The following AGBL4 variants were observed in gnomAD, a reference collection of about 807,000 sequenced individuals.
AGBL4 encodes the protein cytosolic carboxypeptidase 6.
In AGBL4, 58 loss-of-function variants were observed where a neutral mutation model predicts 66.4. The ratio of observed to expected loss-of-function variants is 0.87; its 90% CI spans 0.71 to 1.09. The LOEUF (loss-of-function observed/expected upper bound fraction) is 1.09, where lower values mean the gene tolerates loss of function less well. Ranked by LOEUF, AGBL4 falls within the 50% of genes least tolerant of loss-of-function variation. AGBL4 has a pLI of 0.00. For missense variants in AGBL4, 579 were observed against 631.0 expected (o/e 0.92, Z 0.88); for synonymous variants, 234 against 222.9 (o/e 1.05, Z -0.44).
At chr1:48,542,005 T>C (rs1644080766) in intron 11 of AGBL4, among the ~76,000 whole-genome samples, 1 of 152,092 alleles carries the variant, frequency 6.6e-6, no homozygotes, top group African/African-American at 2.4e-5. Flanking sequence ...CCCAACCCCC[T>C]GACTGGCCCC....
At chr1:49,902,257 T>A (rs1206757723) in intron 1 of AGBL4, among the ~76,000 whole-genome samples, 2 of 151,978 alleles carry the variant, frequency 1.3e-5, no homozygotes, top group South Asian at 4.1e-4. Context: ...ACCTAGAGAA[T>A]GGAAGAAAAT....
chr1:49,955,570 C>A (rs1303691322), intron 1 of AGBL4, among the ~76,000 whole-genome samples: 1 of 151,748 alleles, frequency 6.6e-6, no homozygotes, highest in African/African-American at 2.4e-5. Flanking sequence ...ACTGATGTTC[C>A]CTCCTTTAGT....
At chr1:49,982,053 T>G (rs1190573992) in intron 1 of AGBL4, among the ~76,000 whole-genome samples, 2 of 152,262 alleles carry the variant, frequency 1.3e-5, no homozygotes, top group East Asian at 3.8e-4. Flanking sequence ...TACTGTTTTG[T>G]GTCCACTACG....
chr1:49,974,676 A>C (rs1429656833), intron 1 of AGBL4, among the ~76,000 whole-genome samples: 1 of 152,176 alleles, frequency 6.6e-6, no homozygotes, highest in Non-Finnish European at 1.5e-5. Context: ...AATGATTTTC[A>C]TGACCCTAAT....
chr1:49,726,137 T>G (rs534441373), intron 2 of AGBL4, among the ~76,000 whole-genome samples: 1 of 152,148 alleles, frequency 6.6e-6, no homozygotes, highest in African/African-American at 2.4e-5. Context: ...ACATTTGAGT[T>G]TTAAAGGGTA....
intron 6 of AGBL4, among the ~76,000 whole-genome samples, chr1:48,842,438 G>GC (rs1646826295): frequency 2.0e-5 from 3 of 152,098 alleles, no homozygotes; most frequent in African/African-American, 7.2e-5. Context: ...GATTATGGCT[G>GC]CCCCAGTTCT....
At chr1:50,022,614 CCACACACACACACACACACACACA>C (rs10588611) in intron 1 of AGBL4, among the ~76,000 whole-genome samples, 34 of 141,204 alleles carry the variant, frequency 2.4e-4, no homozygotes, top group East Asian at 2.1e-4. Flanking sequence ...TGTACCATAA[CCACACACACACACACACACACACA>C]CACACACACA....
At chr1:49,845,748 T>A in intron 2 of AGBL4, 4 of 1,587,056 alleles carry the variant, frequency 2.5e-6, no homozygotes, top group Non-Finnish European at 3.5e-6. Flanking sequence ...AGAAGCCCTA[T>A]GGATGCAACG....
chr1:48,699,939 A>ATT (rs1553209949), intron 6 of AGBL4, among the ~76,000 whole-genome samples: 2,712 of 42,404 alleles, frequency 0.064, 91 homozygotes, highest in African/African-American at 0.087. Flanking sequence ...ATAAATATAC[A>ATT]TTATATATAT....
chr1:49,872,794 T>A (rs1273896564), intron 1 of AGBL4, among the ~76,000 whole-genome samples: 4 of 152,114 alleles, frequency 2.6e-5, no homozygotes, highest in Non-Finnish European at 1.5e-5. Context: ...ACTACTATAA[T>A]TTTGTCTTTA....
At chr1:49,668,663 C>A (rs1293372933) in intron 3 of AGBL4, among the ~76,000 whole-genome samples, 1 of 152,156 alleles carries the variant, frequency 6.6e-6, no homozygotes, top group African/African-American at 2.4e-5. Context: ...AAGGAAAGAG[C>A]ACCAAAATGG....
chr1:49,398,720 G>A (rs1262182646), intron 3 of AGBL4, among the ~76,000 whole-genome samples: 2 of 151,924 alleles, frequency 1.3e-5, no homozygotes, highest in Admixed American at 1.3e-4. Context: ...ATTTTTGTGT[G>A]TACATAGGTG....
At chr1:48,773,591 T>C (rs1029846068) in intron 6 of AGBL4, among the ~76,000 whole-genome samples, 2 of 152,194 alleles carry the variant, frequency 1.3e-5, no homozygotes, top group African/African-American at 4.8e-5. Context: ...GCTTGAAAAC[T>C]TGCCTTGAGC....
At chr1:49,518,006 C>A (rs765287925) in intron 3 of AGBL4, among the ~76,000 whole-genome samples, 3 of 152,084 alleles carry the variant, frequency 2.0e-5, no homozygotes, top group Non-Finnish European at 4.4e-5. Flanking sequence ...TTCATTCACT[C>A]ATTCTACTTG....
chr1:49,934,509 TG>T (rs1653720833), intron 1 of AGBL4, among the ~76,000 whole-genome samples: 1 of 152,120 alleles, frequency 6.6e-6, no homozygotes, highest in African/African-American at 2.4e-5. Context: ...GGAAAAAAGT[TG>T]AAAGATTCAC....
intron 4 of AGBL4, among the ~76,000 whole-genome samples, chr1:49,101,618 C>T (rs573238657): frequency 1.3e-5 from 2 of 152,302 alleles, no homozygotes; most frequent in African/African-American, 2.4e-5. Context: ...TAAATCCTTA[C>T]TCTTTGACAG....
chr1:49,981,978 A>G (rs1046109337), intron 1 of AGBL4, among the ~76,000 whole-genome samples: 1 of 152,246 alleles, frequency 6.6e-6, no homozygotes, highest in Non-Finnish European at 1.5e-5. Context: ...AGGGATCCAG[A>G]GCGTAACTCT....
chr1:49,147,837 G>T (rs936241290), intron 4 of AGBL4, among the ~76,000 whole-genome samples: 1 of 152,010 alleles, frequency 6.6e-6, no homozygotes, highest in Non-Finnish European at 1.5e-5. Context: ...AAGGAGAGGG[G>T]GGGTGACAAA....
chr1:49,950,057 TATACAC>T (rs1655971651), intron 1 of AGBL4, among the ~76,000 whole-genome samples: 2 of 142,664 alleles, frequency 1.4e-5, no homozygotes, highest in East Asian at 2.0e-4. Context: ...TATGTGTATA[TATACAC>T]ACATATATAT....
Sources: allele counts gnomAD v4.1 joint callset (sites outside exome capture counted in the v4.1 genomes callset), GRCh38; gene constraint gnomAD v4.1.1; transcripts MANE v1.5; gene names NCBI Gene and HGNC (gene_info 2026-07-23, HGNC 2026-07-21).